MAP2K4: variants seen among roughly 807,000 people sequenced by gnomAD.
MAP2K4 encodes the protein dual specificity mitogen-activated protein kinase kinase 4.
In MAP2K4, 4 loss-of-function variants were observed where a neutral mutation model predicts 48.5. The observed-to-expected ratio is 0.08, with a 90% CI of 0.04 to 0.19. The LOEUF (loss-of-function observed/expected upper bound fraction) is 0.19. Ranked by LOEUF, MAP2K4 falls within the 10% of genes least tolerant of loss-of-function variation. The pLI, the probability that MAP2K4 is intolerant of heterozygous loss-of-function variation, is 1.00. For missense variants in MAP2K4, 258 were observed against 493.3 expected (o/e 0.52, Z 4.52); for synonymous variants, 166 against 173.1 (o/e 0.96, Z 0.32).
At chr17:12,139,652 A>C (rs1973313082) in intron 9 of MAP2K4, among the ~76,000 whole-genome samples, 187 bp from the exon 10 acceptor site, 1 of 152,180 alleles carries the variant, frequency 6.6e-6, no homozygotes, top group African/African-American at 2.4e-5. Context: ...CCTAGAGATA[A>C]ATCTTCAGAT....
At position 12,087,744 on chromosome 17, in the gene MAP2K4, T is replaced by C. The variant is rs1181504526; in HGVS notation, c.393+6214T>C. 2.0e-5 allele frequency among the ~76,000 whole-genome samples: 3 copies of C among 152,152 alleles called. No homozygotes were observed. In the East Asian group the frequency reaches 5.8e-4, roughly 29 times the overall value. On this transcript the variant is annotated intron_variant, in intron 3 of 10. Transcript: ENST00000353533. ...TTCTTCTGCCCGTAGTAAAATCATA[T>C]ATGCTTTCACAATTTAAAATAATTG...
At chr17:12,032,236 A>G in intron 1 of MAP2K4, 1 of 1,337,602 alleles carries the variant, frequency 7.5e-7, no homozygotes, top group Non-Finnish European at 9.9e-7. Flanking sequence ...TTTACAGTAA[A>G]TGAACTGGAA....
chr17:12,110,995 AC>A (rs2151575722), intron 6 of MAP2K4, among the ~76,000 whole-genome samples: 1 of 152,254 alleles, frequency 6.6e-6, no homozygotes, highest in South Asian at 2.1e-4. Context: ...AAAAGTAGTA[AC>A]CCTGTGGGAA....
intron 2 of MAP2K4, among the ~76,000 whole-genome samples, chr17:12,073,770 A>ATTTTTTT (rs200587573): frequency 7.3e-6 from 1 of 137,728 alleles, no homozygotes; most frequent in Non-Finnish European, 1.5e-5. Flanking sequence ...CTCGTTGTAG[A>ATTTTTTT]TTTTTTTTTT....
At position 12,074,078 on chromosome 17, in the gene MAP2K4, T is replaced by C. The variant is rs927676295; in HGVS notation, c.219-7278T>C. On this transcript the variant is annotated intron_variant, in intron 2 of 10. Transcript: ENST00000353533. ...TGAGCCACTGTGCCTGGCCTCTTGT[T>C]GTAGTTTTTGTGTTTAGACATTTGA... 3.9e-5 allele frequency among the ~76,000 whole-genome samples: 6 copies of C among 152,274 alleles called. No homozygotes were observed. The Middle Eastern group carries it at 0.01, about 259-fold the overall frequency.
rs549403697 is a variant in MAP2K4, at chr17:12,056,271, A to G, written c.218+1280A>G. 9.5e-4 allele frequency among the ~76,000 whole-genome samples: 145 copies of G among 152,174 alleles called. 1 individual carries two copies. Among genetic ancestry groups the G allele is most frequent in the Non-Finnish European group, 7.8e-4 (53 of 67,916 alleles). ...TCTTTTTTAAAAGCCTTTTTGGACA[A>G]GGAGAAAGACAACCTGACTTAAATT... On this transcript the variant is annotated intron_variant, in intron 2 of 10. Transcript: ENST00000353533.
At chr17:12,092,463 T>C (rs1031838094) in intron 3 of MAP2K4, among the ~76,000 whole-genome samples, 11 of 152,306 alleles carry the variant, frequency 7.2e-5, no homozygotes, top group African/African-American at 2.4e-4. Flanking sequence ...GTCTTTCCCA[T>C]AGATATTGTT....
intron 3 of MAP2K4, among the ~76,000 whole-genome samples, chr17:12,088,460 ATAC>A (rs1341214613): frequency 8.4e-5 from 9 of 107,002 alleles, no homozygotes; most frequent in East Asian, 2.6e-4. Flanking sequence ...ATTAAATATT[ATAC>A]AATATTAAAT....
At chr17:12,135,706 C>T (rs1451368314) in intron 9 of MAP2K4, among the ~76,000 whole-genome samples, 3 of 152,094 alleles carry the variant, frequency 2.0e-5, no homozygotes, top group African/African-American at 7.2e-5. Flanking sequence ...CGCACCACCA[C>T]TCCCAGCTAA....
intron 9 of MAP2K4, among the ~76,000 whole-genome samples, chr17:12,129,938 T>G (rs1454526308): frequency 6.6e-6 from 1 of 152,250 alleles, no homozygotes; most frequent in Non-Finnish European, 1.5e-5. Flanking sequence ...TGCTTTATAC[T>G]GTTTTAGGCT....
chr17:12,052,151 G>T (rs951845924), intron 1 of MAP2K4, among the ~76,000 whole-genome samples: 11 of 152,122 alleles, frequency 7.2e-5, no homozygotes, highest in Non-Finnish European at 1.6e-4. Flanking sequence ...TGCTAAGCTC[G>T]TTGGCACTTG....
At chr17:12,117,930 GAT>G (rs1972555189) in intron 7 of MAP2K4, among the ~76,000 whole-genome samples, 1 of 152,074 alleles carries the variant, frequency 6.6e-6, no homozygotes, top group Non-Finnish European at 1.5e-5. Flanking sequence ...TAAAAATGAA[GAT>G]CTTGGTAATG....
chr17:12,079,005 G>A (rs1003576077), intron 2 of MAP2K4, among the ~76,000 whole-genome samples: 2 of 152,202 alleles, frequency 1.3e-5, no homozygotes, highest in East Asian at 1.9e-4. Flanking sequence ...GGTTTTTACA[G>A]CACTTTTTCT....
At chr17:12,121,641 G>T (rs1445319736) in intron 7 of MAP2K4, among the ~76,000 whole-genome samples, 1 of 151,962 alleles carries the variant, frequency 6.6e-6, no homozygotes, top group Non-Finnish European at 1.5e-5. Flanking sequence ...TATATACAGG[G>T]CTTGATCATT....
chr17:12,025,362 C>T (rs9895431), intron 1 of MAP2K4, among the ~76,000 whole-genome samples: 1 of 152,126 alleles, frequency 6.6e-6, no homozygotes, highest in African/African-American at 2.4e-5. Flanking sequence ...TATAGAATAT[C>T]TATAAGTATA....
At chr17:12,076,532 T>C (rs536243780) in intron 2 of MAP2K4, among the ~76,000 whole-genome samples, 1 of 152,336 alleles carries the variant, frequency 6.6e-6, no homozygotes, top group East Asian at 1.9e-4. Context: ...CAGATTTTAA[T>C]CTAACAAGAT....
chr17:12,074,082 GTT>G (rs1970914821), intron 2 of MAP2K4, among the ~76,000 whole-genome samples: 1 of 151,992 alleles, frequency 6.6e-6, no homozygotes. Context: ...TCTTGTTGTA[GTT>G]TTTGTGTTTA....
At chr17:12,122,413 A>G (rs941741580) in intron 7 of MAP2K4, among the ~76,000 whole-genome samples, 11 of 152,196 alleles carry the variant, frequency 7.2e-5, no homozygotes, top group African/African-American at 2.4e-4. Flanking sequence ...ATAAACTTCT[A>G]AATTGATTGA....
At chr17:12,050,016 C>G (rs1184013339) in intron 1 of MAP2K4, among the ~76,000 whole-genome samples, 1 of 152,172 alleles carries the variant, frequency 6.6e-6, no homozygotes, top group African/African-American at 2.4e-5. Context: ...AGATGTTAAA[C>G]AAGGGCTATC....
Sources: gnomAD v4.1 joint callset for allele counts (sites outside exome capture counted in the v4.1 genomes callset) on GRCh38, gnomAD v4.1.1 for gene constraint, MANE v1.5 for transcripts, NCBI Gene and HGNC (gene_info 2026-07-23, HGNC 2026-07-21) for gene names.